MAD1L1: variants seen among roughly 807,000 people sequenced by gnomAD.
MAD1L1 encodes the protein mitotic spindle assembly checkpoint protein MAD1.
A neutral mutation model predicts 96.9 loss-of-function variants in MAD1L1; 95 were observed. That is an observed-to-expected ratio of 0.98 (90% CI 0.83 to 1.16). The LOEUF (loss-of-function observed/expected upper bound fraction) is 1.16, where lower values mean the gene tolerates loss of function less well. Ranked by LOEUF, MAD1L1 falls within the 50% of genes most tolerant of loss-of-function variation. The pLI, the probability that MAD1L1 is intolerant of heterozygous loss-of-function variation, is 0.00. For synonymous variants in MAD1L1, 473 were observed against 396.6 expected (o/e 1.19, Z -2.29); for missense variants, 1,007 against 954.4 (o/e 1.06, Z -0.73).
intron 18 of MAD1L1, among the ~76,000 whole-genome samples, chr7:1,869,229 C>T (rs939603651): frequency 2.6e-5 from 4 of 152,256 alleles, no homozygotes; most frequent in South Asian, 2.1e-4. Flanking sequence ...CCCGGGGGAA[C>T]GCCAGGGAAG....
intron 13 of MAD1L1, among the ~76,000 whole-genome samples, chr7:2,006,715 G>A (rs908373548): frequency 2.6e-5 from 4 of 152,016 alleles, no homozygotes; most frequent in Non-Finnish European, 4.4e-5. Flanking sequence ...CAGCACAGGA[G>A]AGGCGAGGCA....
chr7:2,103,160 G>A lies in MAD1L1; in HGVS notation c.1074-33822C>T, dbSNP rs1477224647. Among the ~76,000 whole-genome samples the A allele has an allele frequency of 6.6e-6, 1 of 152,140 alleles. No homozygotes were observed. Among genetic ancestry groups the A allele is most frequent in the Non-Finnish European group, 1.5e-5 (1 of 68,036 alleles). On this transcript the variant is annotated intron_variant, in intron 11 of 18. Coordinates refer to ENST00000265854, the MANE Select transcript of MAD1L1 (RefSeq NM_001013836.2). The surrounding 1 kb of genome is among the most constrained non-coding windows in gnomAD (Gnocchi z 4.3). ...CTGCCTGGAACGGGCTCTCTCCCCT[G>A]CCCCTGCACCCTACAAAGGGGCAGC...
intron 12 of MAD1L1, among the ~76,000 whole-genome samples, chr7:2,040,561 G>C (rs1255661460): frequency 6.6e-6 from 1 of 152,186 alleles, no homozygotes; most frequent in Non-Finnish European, 1.5e-5. Context: ...TATCCATTAA[G>C]TTTTTCTTTC....
chr7:1,963,381 A>C (rs1780029036), intron 15 of MAD1L1, among the ~76,000 whole-genome samples: 1 of 152,168 alleles, frequency 6.6e-6, no homozygotes, highest in Non-Finnish European at 1.5e-5. Context: ...GCCGCCCGCC[A>C]ATCTACAGTG....
At chr7:1,918,462 C>T (rs551272663) in intron 17 of MAD1L1, among the ~76,000 whole-genome samples, 12 of 152,312 alleles carry the variant, frequency 7.9e-5, no homozygotes, top group African/African-American at 2.2e-4. Flanking sequence ...TTCAGCCCTC[C>T]GCACTGCCCA....
chr7:2,134,668 C>T (rs1252374756), intron 11 of MAD1L1, among the ~76,000 whole-genome samples: 1 of 152,172 alleles, frequency 6.6e-6, no homozygotes, highest in Non-Finnish European at 1.5e-5. Context: ...TAAACAGGAC[C>T]AGTCACCAGA....
intron 18 of MAD1L1, among the ~76,000 whole-genome samples, chr7:1,895,497 C>T (rs575291041): frequency 6.6e-6 from 1 of 152,340 alleles, no homozygotes; most frequent in Admixed American, 6.5e-5. Context: ...CTTGTAAAGC[C>T]CTTCCATACT....
At position 1,898,391 on chromosome 7, in the gene MAD1L1, C is replaced by T; in HGVS notation, c.1808-1G>A. On this transcript the variant is annotated splice_acceptor_variant, in intron 17 of 18. Coordinates refer to ENST00000265854, the MANE Select transcript of MAD1L1 (RefSeq NM_001013836.2). LOFTEE classifies it high-confidence loss of function. ...GCACTCTCCACCTGCTTCTTCAGCT[C>T]TGCGGGAGGGACGGAAGGAGACAGT... 6.2e-7 allele frequency: 1 copy of T among 1,613,540 alleles called. No homozygotes were observed. Among genetic ancestry groups the T allele is most frequent in the Non-Finnish European group, 8.5e-7 (1 of 1,179,764 alleles).
intron 12 of MAD1L1, among the ~76,000 whole-genome samples, chr7:2,048,111 C>A (rs540940040): frequency 4.6e-5 from 7 of 152,350 alleles, no homozygotes; most frequent in Non-Finnish European, 1.0e-4. Context: ...CAGACACGCA[C>A]ACAGTAATGC....
chr7:1,942,404 C>T (rs1019521674), intron 16 of MAD1L1, among the ~76,000 whole-genome samples: 3 of 152,206 alleles, frequency 2.0e-5, no homozygotes, highest in Non-Finnish European at 2.9e-5. Context: ...GCCTGGGCAG[C>T]GCAGAGTCAG....
chr7:2,072,792 C>T (rs142226504), intron 11 of MAD1L1, among the ~76,000 whole-genome samples: 2 of 152,332 alleles, frequency 1.3e-5, no homozygotes, highest in East Asian at 3.9e-4. Context: ...TGGGAAGCAC[C>T]CTCAGCTCAG....
intron 18 of MAD1L1, among the ~76,000 whole-genome samples, chr7:1,877,222 C>T (rs955087523): frequency 3.3e-5 from 5 of 152,108 alleles, no homozygotes; most frequent in Admixed American, 6.5e-5. Context: ...GCCCACCGCC[C>T]GCTTTTGTAA....
chr7:1,928,866 T>C (rs1388664068), intron 17 of MAD1L1, among the ~76,000 whole-genome samples: 4 of 152,162 alleles, frequency 2.6e-5, no homozygotes, highest in African/African-American at 9.7e-5. Flanking sequence ...TCCACAGTGC[T>C]TGTCCTGGTG....
intron 10 of MAD1L1, among the ~76,000 whole-genome samples, chr7:2,159,631 G>C (rs1321932052): frequency 6.6e-6 from 1 of 152,068 alleles, no homozygotes; most frequent in Admixed American, 6.5e-5. Flanking sequence ...TAAATACTAA[G>C]AGAATGAGCA....
intron 18 of MAD1L1, among the ~76,000 whole-genome samples, chr7:1,823,026 G>A (rs937247820): frequency 6.6e-6 from 1 of 152,056 alleles, no homozygotes; most frequent in Non-Finnish European, 1.5e-5. Flanking sequence ...TTAGGTGTAC[G>A]AGGCTAGCTT....
chr7:2,023,286 T>C (rs1347195792), intron 12 of MAD1L1, among the ~76,000 whole-genome samples: 1 of 152,068 alleles, frequency 6.6e-6, no homozygotes, highest in East Asian at 1.9e-4. Context: ...ATTTGGGCCA[T>C]AAAACACACC....
chr7:1,887,323 G>A (rs558546764), intron 18 of MAD1L1, among the ~76,000 whole-genome samples: 21 of 150,468 alleles, frequency 1.4e-4, no homozygotes, highest in African/African-American at 2.4e-4. Context: ...GCATGCATGC[G>A]CATGCGTGGC....
At chr7:1,825,786 ATG>A (rs1168635827) in intron 18 of MAD1L1, among the ~76,000 whole-genome samples, 1 of 152,152 alleles carries the variant, frequency 6.6e-6, no homozygotes, top group Non-Finnish European at 1.5e-5. Flanking sequence ...AACCTGGGTA[ATG>A]TGTGCTCTCA....
chr7:2,078,436 A>T (rs1300919544), intron 11 of MAD1L1, among the ~76,000 whole-genome samples: 1 of 152,224 alleles, frequency 6.6e-6, no homozygotes, highest in African/African-American at 2.4e-5. Flanking sequence ...AAGAGGTCCC[A>T]GTTCCTCCCC....
Sources: allele counts gnomAD v4.1 joint callset (sites outside exome capture counted in the v4.1 genomes callset), GRCh38; gene constraint gnomAD v4.1.1; non-coding constraint Gnocchi (gnomAD v3.1); transcripts MANE v1.5; gene names NCBI Gene and HGNC (gene_info 2026-07-23, HGNC 2026-07-21).